Variants in NEK11 observed in about 807,000 individuals in gnomAD.
NEK11 encodes the protein NIMA related kinase 11.
NEK11 carries 72 observed loss-of-function variants against 80.7 expected under a neutral mutation model. The observed-to-expected ratio is 0.89, with a 90% confidence interval of 0.74 to 1.08. The LOEUF (loss-of-function observed/expected upper bound fraction) is 1.08, where lower values mean the gene tolerates loss of function less well. Among genes scored for constraint, NEK11 ranks in the 50% least tolerant of loss-of-function variants. NEK11 has a pLI of 0.00. For synonymous variants in NEK11, 251 were observed against 260.7 expected, an observed-to-expected ratio of 0.96 and a Z score of 0.36; for missense variants, 764 against 763.6, an observed-to-expected ratio of 1.00 and a Z score of -0.01.
chr3:131,114,113 A>G (rs987798669), intron 5 of NEK11, among the ~76,000 whole-genome samples: 1 of 151,980 alleles, frequency 6.6e-6, no homozygotes, highest in African/African-American at 2.4e-5. Flanking sequence ...AGTTATATAT[A>G]TATTATTCCT....
At chr3:131,209,826 T>C (rs2094554164) in intron 14 of NEK11, among the ~76,000 whole-genome samples, 1 of 152,218 alleles carries the variant, frequency 6.6e-6, no homozygotes, top group African/African-American at 2.4e-5. Flanking sequence ...GGATTGGTGG[T>C]GATATCCCCT....
intron 17 of NEK11, among the ~76,000 whole-genome samples, chr3:131,276,254 AT>A (rs2096288381): frequency 1.3e-5 from 2 of 152,194 alleles, no homozygotes; most frequent in African/African-American, 4.8e-5. Context: ...AGAGATGGAG[AT>A]TAATGTGTAG....
chr3:131,156,829 G>T (rs1016189129), intron 10 of NEK11, among the ~76,000 whole-genome samples: 4 of 151,962 alleles, frequency 2.6e-5, no homozygotes, highest in African/African-American at 9.7e-5. Context: ...GTTAGCCAAT[G>T]TGATTATTTA....
chr3:131,332,598 C>G (rs566596227), intron 17 of NEK11, among the ~76,000 whole-genome samples: 4 of 152,306 alleles, frequency 2.6e-5, no homozygotes, highest in East Asian at 1.9e-4. Context: ...TCACCAGCAA[C>G]GGAACAAAGC....
chr3:131,269,472 C>T (rs2096134417), intron 16 of NEK11, among the ~76,000 whole-genome samples: 1 of 152,198 alleles, frequency 6.6e-6, no homozygotes, highest in African/African-American at 2.4e-5. Flanking sequence ...GGCCAGAGTG[C>T]ACCATTCCTC....
At chr3:131,310,304 G>T (rs754704106) in intron 17 of NEK11, among the ~76,000 whole-genome samples, 1 of 152,156 alleles carries the variant, frequency 6.6e-6, no homozygotes, top group Non-Finnish European at 1.5e-5. Flanking sequence ...TTAGGCTTAA[G>T]AAAAATGGGT....
chr3:131,289,894 C>T (rs79968237), intron 17 of NEK11, among the ~76,000 whole-genome samples: 1 of 152,192 alleles, frequency 6.6e-6, no homozygotes, highest in African/African-American at 2.4e-5. Flanking sequence ...TGGGAAAAAG[C>T]AGGCCCATCT....
intron 17 of NEK11, among the ~76,000 whole-genome samples, chr3:131,326,962 C>T (rs1012466222): frequency 1.1e-4 from 16 of 152,148 alleles, no homozygotes; most frequent in Non-Finnish European, 1.3e-4. Flanking sequence ...CCCTTTTGCC[C>T]GTCTAAGCTT....
At chr3:131,055,499 G>A (rs1260307623) in intron 3 of NEK11, among the ~76,000 whole-genome samples, 2 of 152,158 alleles carry the variant, frequency 1.3e-5, no homozygotes, top group Non-Finnish European at 2.9e-5. Context: ...ACTTTGGGAG[G>A]CTGATATGGG....
intron 4 of NEK11, among the ~76,000 whole-genome samples, chr3:131,093,708 G>T (rs1156518085): frequency 6.6e-6 from 1 of 152,104 alleles, no homozygotes; most frequent in Non-Finnish European, 1.5e-5. Flanking sequence ...GCTTAGCCCA[G>T]ATGTGCAATT....
intron 7 of NEK11, among the ~76,000 whole-genome samples, chr3:131,136,394 G>A (rs986301478): frequency 1.3e-5 from 2 of 152,120 alleles, no homozygotes; most frequent in African/African-American, 4.8e-5. Flanking sequence ...GATTGAATGA[G>A]GTTGAGAACC....
At chr3:131,332,898 G>A (rs527544628) in intron 17 of NEK11, among the ~76,000 whole-genome samples, 56 of 152,178 alleles carry the variant, frequency 3.7e-4, no homozygotes, top group African/African-American at 9.2e-4. Flanking sequence ...GAAACGAAGC[G>A]AGAAGGGAAG....
intron 11 of NEK11, among the ~76,000 whole-genome samples, chr3:131,164,852 T>A (rs1048265203): frequency 6.6e-6 from 1 of 152,178 alleles, no homozygotes; most frequent in Non-Finnish European, 1.5e-5. Context: ...ACTAGAAGGG[T>A]GTTCAGTGAT....
At chr3:131,116,549 A>C (rs1020592308) in intron 5 of NEK11, among the ~76,000 whole-genome samples, 9 of 152,214 alleles carry the variant, frequency 5.9e-5, no homozygotes, top group Non-Finnish European at 1.0e-4. Flanking sequence ...AGGAATCGCC[A>C]CACTGTCTTC....
chr3:131,198,753 G>C (rs1226103959), intron 14 of NEK11, among the ~76,000 whole-genome samples: 1 of 152,188 alleles, frequency 6.6e-6, no homozygotes, highest in Non-Finnish European at 1.5e-5. Flanking sequence ...CCGTTGGCAA[G>C]CTTAACGCTG....
At position 131,109,858 on chromosome 3, in the gene NEK11, C is replaced by T; in HGVS notation, c.392C>T (p.Pro131Leu). ...QEYKQAGKIF[P>L]ENQIIEWFIQ... ...TATAAACAAGCTGGAAAAATCTTTC[C>T]AGAAAATCAAATAATAGAATGGTTT... Residue 131 changes from proline (P) to leucine (L), a missense_variant, in exon 5 of 18, where the codon CCA becomes CTA. Physicochemically the swap from Pro to Leu is moderately conservative, Grantham distance 98 (BLOSUM62 -3). Transcript: ENST00000383366. 1 of 1,604,472 alleles carries T rather than the reference C, an allele frequency of 6.2e-7. No homozygotes were observed. The highest frequency in any genetic ancestry group is 8.5e-7 in the Non-Finnish European group (1 of 1,176,296).
intron 7 of NEK11, among the ~76,000 whole-genome samples, chr3:131,149,705 TCTAC>T (rs1415416122): frequency 6.6e-6 from 1 of 152,090 alleles, no homozygotes; most frequent in Non-Finnish European, 1.5e-5. Flanking sequence ...ATCTGTGGAA[TCTAC>T]AGTGTTGCAC....
At chr3:131,321,340 T>G (rs1387952363) in intron 17 of NEK11, among the ~76,000 whole-genome samples, 2 of 152,076 alleles carry the variant, frequency 1.3e-5, no homozygotes, top group Non-Finnish European at 2.9e-5. Flanking sequence ...TTACCATATA[T>G]AAAAATTAAC....
In NEK11 at chr3:131,349,633, G is replaced by C. The variant is rs1322782183; in HGVS notation, c.1795G>C (p.Ala599Pro). The change falls in exon 18 of 18, where the codon GCT (alanine) becomes CCT (proline). Residue 599 changes from alanine (A) to proline (P), a missense_variant. Transcript: ENST00000383366. ...CCTCAAGAGAGCAAGGCATCAGAAT[G>C]CTAGCGAAGCAGAGATCCGCGAGTG... ...NYLKRARHQN[A>P]SEAEIRECLE... 19 of 1,614,182 alleles carry C rather than the reference G, an allele frequency of 1.2e-5. No individual in the cohort carries two copies. Among genetic ancestry groups the C allele is most frequent in the Non-Finnish European group, 1.5e-5 (18 of 1,180,028 alleles).
Sources: allele counts gnomAD v4.1 joint callset (sites outside exome capture counted in the v4.1 genomes callset), GRCh38; gene constraint gnomAD v4.1.1; transcripts MANE v1.5; gene names NCBI Gene and HGNC (gene_info 2026-07-23, HGNC 2026-07-21).